GRHL1: variants seen among roughly 807,000 people sequenced by gnomAD.
GRHL1 encodes grainyhead-like protein 1 homolog.
Under a neutral mutation model 75.7 loss-of-function variants are expected in GRHL1, and 38 were observed. The ratio of observed to expected loss-of-function variants is 0.50; its 90% confidence interval spans 0.39 to 0.66. The LOEUF is 0.66. GRHL1 is among the 30% of genes least tolerant of loss of function. The pLI, the probability that GRHL1 is intolerant of heterozygous loss-of-function variation, is 0.00. For synonymous variants in GRHL1, 266 were observed against 279.4 expected (o/e 0.95, Z 0.48); for missense variants, 589 against 767.5 (o/e 0.77, Z 2.75).
rs774447965 is a variant in GRHL1, at chr2:9,998,950, T to G, written c.1678-15T>G. 6.9e-7 allele frequency: 1 copy of G among 1,448,836 alleles called. No homozygotes were observed. The highest frequency in any genetic ancestry group is 2.5e-5 in the East Asian group (1 of 40,816). The allele number at this position is 1,448,836 out of a possible 1,614,324, so 89.7% of individuals were successfully genotyped here. On this transcript the variant is annotated splice_polypyrimidine_tract_variant and intron_variant, in intron 14 of 15. Transcript: ENST00000324907. ...TGATACAGGGTTTTGTAATTATTTT[T>G]CTTTCCTCTTTTAGATCTCAGACAA...
At chr2:9,986,788 C>T (rs1364836487) in intron 9 of GRHL1, among the ~76,000 whole-genome samples, 4 of 152,142 alleles carry the variant, frequency 2.6e-5, no homozygotes, top group African/African-American at 9.7e-5. Flanking sequence ...CTCACTGTAG[C>T]CTCAACCTCC....
At chr2:9,977,900 A>G (rs772706055) in intron 8 of GRHL1, among the ~76,000 whole-genome samples, 2 of 152,198 alleles carry the variant, frequency 1.3e-5, no homozygotes, top group African/African-American at 2.4e-5. Context: ...ATAAAAAGAG[A>G]TTTAATGGAC....
intron 3 of GRHL1, chr2:9,960,298 G>T (rs1006773243): frequency 1.3e-5 from 2 of 152,218 alleles, no homozygotes; most frequent in African/African-American, 4.8e-5. Context: ...AATTAGCCAA[G>T]TGTGGTGGCG....
chr2:9,964,551 C>T (rs768465560), intron 7 of GRHL1: 28 of 481,752 alleles, frequency 5.8e-5, no homozygotes, highest in Non-Finnish European at 8.1e-5. Flanking sequence ...CATGTGCCCA[C>T]GTGGTGGCTT....
At position 9,951,955 on chromosome 2, in the gene GRHL1, C is replaced by G; in HGVS notation, c.20+102C>G. On this transcript the variant is annotated intron_variant, in intron 1 of 15. Transcript: ENST00000324907. The surrounding 1 kb of genome is among the most constrained non-coding windows in gnomAD (Gnocchi z 4.2). ...GCAGACCCGAGGCCGCGCGGGCGGG[C>G]GGGCGCGGGGCGCGAGCCGGGGGCC... is the stretch of plus-strand genomic sequence containing the variant. The G allele has an allele frequency of 1.4e-6, 1 of 698,362 alleles. No individual in the cohort carries two copies. The highest frequency in any genetic ancestry group is 1.8e-6 in the Non-Finnish European group (1 of 559,782). The allele number at this position is 698,362 out of a possible 1,614,324, so 43.3% of individuals were successfully genotyped here.
At chr2:9,989,019 C>G (rs1238728896) in intron 9 of GRHL1, among the ~76,000 whole-genome samples, 4 of 151,886 alleles carry the variant, frequency 2.6e-5, no homozygotes, top group African/African-American at 9.7e-5. Flanking sequence ...ACAGAGAGAC[C>G]CAGACCAACT....
chr2:9,972,588 T>G (rs1667773914), intron 8 of GRHL1, among the ~76,000 whole-genome samples: 1 of 152,198 alleles, frequency 6.6e-6, no homozygotes, highest in Non-Finnish European at 1.5e-5. Flanking sequence ...CTTTTCCTTG[T>G]AAATGAAAGA....
At chr2:9,965,896 T>C (rs1667472145) in intron 8 of GRHL1, 1 of 152,622 alleles carries the variant, frequency 6.6e-6, no homozygotes. Context: ...CCAGTTCAGT[T>C]GGAGTAACTC....
At chr2:9,999,254 G>A (rs1669162365) in intron 15 of GRHL1, among the ~76,000 whole-genome samples, 1 of 152,188 alleles carries the variant, frequency 6.6e-6, no homozygotes, top group South Asian at 2.1e-4. Context: ...CTGGAATGTG[G>A]CTTTTCTAAA....
intron 8 of GRHL1, among the ~76,000 whole-genome samples, chr2:9,978,160 A>G (rs752768630): frequency 6.6e-6 from 1 of 152,190 alleles, no homozygotes; most frequent in African/African-American, 2.4e-5. Flanking sequence ...ATTCAAGATG[A>G]GATTTGGGTG....
chr2:9,963,857 A>G (rs373331935), intron 5 of GRHL1, 29 bp from the exon 6 acceptor site: 6 of 1,561,002 alleles, frequency 3.8e-6, no homozygotes, highest in South Asian at 3.4e-5. Context: ...GAGTAGATTT[A>G]GAGACCTGTG....
Position 9,958,805 on chromosome 2 carries a change from C to T in GRHL1, c.227C>T (p.Ser76Leu), listed in dbSNP as rs369646093. ...DYYKVPRERR[S>L]STAKPEVEHP... ...TATCAGGTTCCAAGAGAGAGAAGGT[C>T]ATCAACAGCAAAGCCAGAGGTGGAG... Residue 76 changes from serine to leucine, a missense_variant, in exon 3 of 16, where the codon TCA becomes TTA. Coordinates refer to ENST00000324907, the MANE Select transcript of GRHL1 (RefSeq NM_198182.3). The T allele has an allele frequency of 1.2e-6, 2 of 1,613,364 alleles. No individual in the cohort carries two copies. The highest frequency in any genetic ancestry group is 2.7e-5 in the African/African-American group (2 of 74,902).
At position 9,999,079 on chromosome 2, in the gene GRHL1, G is replaced by A. The variant is rs745873208; in HGVS notation, c.1742+50G>A. ...ACCTCGGAAAGTGCTGATGCCCCCC[G>A]CAGTGCTAGTGTGACGCACCCCCCA... is the stretch of plus-strand genomic sequence containing the variant. On this transcript the variant is annotated intron_variant, in intron 15 of 15. Transcript: ENST00000324907. 1.1e-5 allele frequency: 10 copies of A among 949,432 alleles called. No homozygotes were observed. The Admixed American group carries it at 1.1e-4, about 10-fold the overall frequency. The allele number at this position is 949,432 out of a possible 1,614,324, so 58.8% of individuals were successfully genotyped here. A position where few individuals can be genotyped will look rare whatever the true frequency, so the allele number is the denominator to read the frequency against.
At position 9,998,501 on chromosome 2, in the gene GRHL1, C is replaced by CGTGTATATACGT. The variant is rs376418927; in HGVS notation, c.1678-464_1678-463insGTGTATATACGT. Among the ~76,000 whole-genome samples, 5 of 6,892 alleles carry CGTGTATATACGT rather than the reference C, an allele frequency of 7.3e-4. 2 individuals carry two copies. The highest frequency in any genetic ancestry group is 1.1e-3 in the Non-Finnish European group (5 of 4,388). 4.5% of individuals were successfully genotyped at this position (6,892 alleles called of 152,430 possible). On this transcript the variant is annotated intron_variant, in intron 14 of 15. Transcript: ENST00000324907. The stretch of plus-strand genomic sequence containing the variant: ...ATATACATATATATACGTATATATA[C>CGTGTATATACGT]ATATATATACGTATATATATACATA...
rs116314351 is a variant in GRHL1 at position 9,955,133 on chromosome 2, G to A, written c.207+32G>A. On this transcript the variant is annotated intron_variant, in intron 2 of 15. Transcript: ENST00000324907. ...TTGCCTGCCTTTAAAACCCTTAACA[G>A]CAGTCTCCAATGCACTTGATTCAGC... is the stretch of plus-strand genomic sequence containing the variant. The A allele has an allele frequency of 4.9e-4, 708 of 1,442,700 alleles. 5 individuals are homozygous for A. In the African/African-American group the frequency reaches 8.5e-3, roughly 17 times the overall value. The allele number at this position is 1,442,700 out of a possible 1,614,324, so 89.4% of individuals were successfully genotyped here.
chr2:9,999,027 G>T lies in GRHL1; in HGVS notation c.1740G>T (p.Lys580Asn). 1 of 1,550,776 alleles carries T rather than the reference G, an allele frequency of 6.4e-7. No homozygotes were observed. Among genetic ancestry groups the T allele is most frequent in the South Asian group, 1.2e-5 (1 of 86,150 alleles). ...KIGKIFKKCK[K>N]GILVNMDDNI... ...GGAAAATATTCAAGAAGTGTAAAAAGGGGTAAGCAGCCACTGCGTCCTGTG... is the reference window on the plus strand; with the variant it reads ...GGAAAATATTCAAGAAGTGTAAAAATGGGTAAGCAGCCACTGCGTCCTGTG... The change falls in exon 15 of 16, where the codon AAG (lysine) becomes AAT (asparagine). Residue 580 changes from lysine to asparagine, a missense_variant and splice_region_variant. By Grantham distance (94) the Lys-to-Asn change is moderately conservative. This residue lies in a region of GRHL1 where 192 missense variants were observed against 226.6 expected (regional missense o/e 0.85). Coordinates refer to ENST00000324907, the MANE Select transcript of GRHL1 (RefSeq NM_198182.3).
At chr2:9,972,119 C>T (rs1038353737) in intron 8 of GRHL1, among the ~76,000 whole-genome samples, 1 of 151,532 alleles carries the variant, frequency 6.6e-6, no homozygotes, top group South Asian at 2.1e-4. Flanking sequence ...GTGAAACTTG[C>T]GTTTTGTGAA....
chr2:9,965,671 A>G (rs1667462566), intron 8 of GRHL1: 1 of 391,590 alleles, frequency 2.6e-6, no homozygotes, highest in South Asian at 4.8e-5. Context: ...TCATTTCCTC[A>G]TTTGCACAGT....
In GRHL1 at chr2:9,990,724, A is replaced by C. The variant is rs1668601474; in HGVS notation, c.1298A>C (p.Glu433Ala). 6.2e-7 allele frequency: 1 copy of C among 1,611,856 alleles called. No homozygotes were observed. The highest frequency in any genetic ancestry group is 1.3e-5 in the African/African-American group (1 of 74,872). ...GCTGAGCGGAAAATCAGGGATGAAG[A>C]ACGAAAGCAAAGCAAAAGAAAAGGC... is the stretch of plus-strand genomic sequence containing the variant. ...KGAERKIRDE[E>A]RKQSKRKVSD... The change falls in exon 10 of 16, where the codon GAA becomes GCA. Residue 433 changes from glutamate to alanine, a missense_variant. Glu to Ala is a moderately radical substitution (Grantham distance 107). Transcript: ENST00000324907. The surrounding 1 kb of genome is among the most constrained non-coding windows in gnomAD (Gnocchi z 4.2).
Sources: allele counts gnomAD v4.1 joint callset (sites outside exome capture counted in the v4.1 genomes callset), GRCh38; gene constraint gnomAD v4.1.1; regional missense constraint gnomAD v4.1.1; non-coding constraint Gnocchi (gnomAD v3.1); transcripts MANE v1.5; gene names NCBI Gene and HGNC (gene_info 2026-07-23, HGNC 2026-07-21).